Variants in KCNH7 observed in about 807,000 individuals in gnomAD.
KCNH7 encodes the protein potassium voltage-gated channel subfamily H member 7.
A neutral mutation model predicts 120.8 loss-of-function variants in KCNH7; 49 were observed. That is an observed-to-expected ratio of 0.41 (90% CI 0.32 to 0.51). The LOEUF (loss-of-function observed/expected upper bound fraction) is 0.51, where lower values mean the gene tolerates loss of function less well. KCNH7 is among the 20% of genes least tolerant of loss of function. KCNH7 has a pLI of 0.38. For missense variants in KCNH7, 1,097 were observed against 1,446.6 expected, an observed-to-expected ratio of 0.76 and a Z score of 3.92; for synonymous variants, 547 against 516.1, an observed-to-expected ratio of 1.06 and a Z score of -0.81.
chr2:162,403,939 T>A (rs1439976977), intron 9 of KCNH7, among the ~76,000 whole-genome samples: 3 of 151,916 alleles, frequency 2.0e-5, no homozygotes, highest in Non-Finnish European at 2.9e-5. Flanking sequence ...AAATAAGAGG[T>A]AGGCTTAAGA....
chr2:162,488,496 T>C (rs1233263503), intron 6 of KCNH7, among the ~76,000 whole-genome samples: 8 of 152,150 alleles, frequency 5.3e-5, no homozygotes. Context: ...AAACTCCTTA[T>C]CTGGGGAAAA....
chr2:162,470,617 G>C (rs562992299), intron 6 of KCNH7, among the ~76,000 whole-genome samples: 1 of 150,392 alleles, frequency 6.6e-6, no homozygotes, highest in Non-Finnish European at 1.5e-5. Context: ...ATCCGGGAGG[G>C]AGGTGGGGGG....
At chr2:162,625,022 T>C (rs546008917) in intron 2 of KCNH7, among the ~76,000 whole-genome samples, 1 of 150,378 alleles carries the variant, frequency 6.6e-6, no homozygotes, top group Admixed American at 6.7e-5. Flanking sequence ...CTCAGCCTCC[T>C]GAGTAGCTGG....
At chr2:162,378,841 C>T (rs946314263) in intron 14 of KCNH7, among the ~76,000 whole-genome samples, 55 of 152,182 alleles carry the variant, frequency 3.6e-4, no homozygotes, top group African/African-American at 1.3e-3. Context: ...GTCAGGTATA[C>T]TATACCTTGT....
At chr2:162,816,257 C>CAAAAAAAAAAA (rs10599191) in intron 2 of KCNH7, among the ~76,000 whole-genome samples, 3 of 59,988 alleles carry the variant, frequency 5.0e-5, no homozygotes, top group Non-Finnish European at 8.8e-5. Flanking sequence ...AACTCCATCT[C>CAAAAAAAAAAA]AAAAAAAAAA....
chr2:162,459,449 C>A (rs1689078539), intron 6 of KCNH7, among the ~76,000 whole-genome samples: 1 of 152,164 alleles, frequency 6.6e-6, no homozygotes, highest in Non-Finnish European at 1.5e-5. Flanking sequence ...TTGTCGAGAA[C>A]TACAGTTCCC....
chr2:162,688,825 G>A (rs1312662511), intron 2 of KCNH7, among the ~76,000 whole-genome samples: 2 of 151,028 alleles, frequency 1.3e-5, no homozygotes, highest in Non-Finnish European at 2.9e-5. Flanking sequence ...TGGGTGTATG[G>A]TCTTGTCTCC....
intron 7 of KCNH7, among the ~76,000 whole-genome samples, chr2:162,442,072 A>C (rs1481903096): frequency 1.7e-5 from 2 of 115,102 alleles, no homozygotes; most frequent in African/African-American, 6.4e-5. Context: ...GCTGGAGTGC[A>C]GTGGTGCGAT....
intron 6 of KCNH7, among the ~76,000 whole-genome samples, chr2:162,459,224 C>T (rs1342491831): frequency 6.6e-6 from 1 of 151,704 alleles, no homozygotes; most frequent in East Asian, 1.9e-4. Flanking sequence ...AACCAGTATT[C>T]CTAGGGCTTA....
At chr2:162,410,221 C>T (rs1390787372) in intron 9 of KCNH7, among the ~76,000 whole-genome samples, 1 of 151,874 alleles carries the variant, frequency 6.6e-6, no homozygotes, top group Non-Finnish European at 1.5e-5. Flanking sequence ...GGAACTGGTA[C>T]AAAAACAAAC....
intron 2 of KCNH7, among the ~76,000 whole-genome samples, chr2:162,576,198 T>C (rs1183114857): frequency 1.3e-5 from 2 of 152,122 alleles, no homozygotes; most frequent in Non-Finnish European, 2.9e-5. Flanking sequence ...CTAACTGTGA[T>C]TTTACTAACA....
chr2:162,425,614 A>G (rs1687834251), intron 8 of KCNH7, among the ~76,000 whole-genome samples: 1 of 152,134 alleles, frequency 6.6e-6, no homozygotes, highest in African/African-American at 2.4e-5. Context: ...TTTCCAAAAT[A>G]CCTATCATGT....
intron 2 of KCNH7, among the ~76,000 whole-genome samples, chr2:162,609,629 G>A (rs1682893959): frequency 1.3e-5 from 2 of 152,172 alleles, no homozygotes; most frequent in Admixed American, 6.5e-5. Flanking sequence ...AGTTAAGGGA[G>A]AAAGTGCTAA....
At chr2:162,759,050 G>T (rs1003064922) in intron 2 of KCNH7, among the ~76,000 whole-genome samples, 1 of 151,696 alleles carries the variant, frequency 6.6e-6, no homozygotes, top group Non-Finnish European at 1.5e-5. Context: ...CATGAAAGAA[G>T]GAGAGGTACT....
intron 2 of KCNH7, among the ~76,000 whole-genome samples, chr2:162,542,650 T>C (rs1437584870): frequency 6.6e-6 from 1 of 152,030 alleles, no homozygotes; most frequent in East Asian, 1.9e-4. Context: ...CGGTCTGTCA[T>C]TGTTGGACAT....
At chr2:162,592,060 G>T (rs79479873) in intron 2 of KCNH7, among the ~76,000 whole-genome samples, 1 of 152,042 alleles carries the variant, frequency 6.6e-6, no homozygotes, top group Non-Finnish European at 1.5e-5. Context: ...CCGGAAAAGC[G>T]AGAAGGGGAG....
chr2:162,448,372 A>G (rs953074624), intron 6 of KCNH7, among the ~76,000 whole-genome samples: 2 of 152,116 alleles, frequency 1.3e-5, no homozygotes, highest in Admixed American at 1.3e-4. Flanking sequence ...TTTCAAAGTC[A>G]TTAAAGTCAT....
Position 162,517,710 on chromosome 2 carries a change from T to C in KCNH7, c.892+20A>G. ...TTACCCATTAATATATGTTTCCATT[T>C]AAAAAAAAATCAAACATACCTTCGC... On this transcript the variant is annotated intron_variant, in intron 4 of 15. Transcript: ENST00000332142. The C allele has an allele frequency of 6.6e-7, 1 of 1,511,098 alleles. No individual in the cohort carries two copies. The highest frequency in any genetic ancestry group is 8.9e-7 in the Non-Finnish European group (1 of 1,117,404). The allele number at this position is 1,511,098 out of a possible 1,614,324, so 93.6% of individuals were successfully genotyped here.
intron 2 of KCNH7, among the ~76,000 whole-genome samples, chr2:162,735,042 T>G (rs1687851563): frequency 6.6e-6 from 1 of 152,164 alleles, no homozygotes; most frequent in South Asian, 2.1e-4. Flanking sequence ...ACGACAAGGC[T>G]TACAGTAAGT....
Sources: allele counts gnomAD v4.1 joint callset (sites outside exome capture counted in the v4.1 genomes callset), GRCh38; gene constraint gnomAD v4.1.1; transcripts MANE v1.5; gene names NCBI Gene and HGNC (gene_info 2026-07-23, HGNC 2026-07-21).